NOX4: variants seen among roughly 807,000 people sequenced by gnomAD.
NOX4 encodes NADPH oxidase 4.
Under a neutral mutation model 87.6 loss-of-function variants are expected in NOX4, and 69 were observed. The ratio of observed to expected loss-of-function variants is 0.79; its 90% confidence interval spans 0.65 to 0.96. The LOEUF (loss-of-function observed/expected upper bound fraction) is 0.96, where lower values mean the gene tolerates loss of function less well. NOX4 is among the 40% of genes least tolerant of loss of function. The probability of loss-of-function intolerance (pLI) is 0.00; values close to 1 mark genes in which losing one functional copy is unlikely to be tolerated. For synonymous variants in NOX4, 275 were observed against 238.2 expected, an observed-to-expected ratio of 1.15 and a Z score of -1.42; for missense variants, 680 against 681.5, an observed-to-expected ratio of 1.00 and a Z score of 0.02.
intron 2 of NOX4, among the ~76,000 whole-genome samples, chr11:89,464,893 G>A (rs1446690109): frequency 2.0e-5 from 3 of 152,204 alleles, no homozygotes; most frequent in African/African-American, 7.2e-5. Flanking sequence ...AGTCACCAAT[G>A]TGATGGTATT....
intron 2 of NOX4, among the ~76,000 whole-genome samples, chr11:89,452,512 G>C (rs572943867): frequency 6.6e-6 from 1 of 152,012 alleles, no homozygotes; most frequent in South Asian, 2.1e-4. Flanking sequence ...GTACTTCCCT[G>C]ATTATGTCTC....
chr11:89,511,890 G>C, the NOX4 span, among the ~76,000 whole-genome samples: 1 of 151,926 alleles, frequency 6.6e-6, no homozygotes, highest in Non-Finnish European at 1.5e-5. Context: ...TTTAAGACGA[G>C]GACAATTTAC....
At chr11:89,578,363 T>C in the NOX4 span, among the ~76,000 whole-genome samples, 52 of 152,234 alleles carry the variant, frequency 3.4e-4, no homozygotes, top group African/African-American at 1.2e-3. Context: ...GATTTCACCA[T>C]GTTGGCCAGG....
chr11:89,588,954 T>C, the NOX4 span, among the ~76,000 whole-genome samples: 1 of 152,130 alleles, frequency 6.6e-6, no homozygotes, highest in Non-Finnish European at 1.5e-5. Context: ...CATCTCTCAG[T>C]TATCTTCCCT....
At chr11:89,451,131 T>G (rs979991763) in intron 3 of NOX4, among the ~76,000 whole-genome samples, 10 of 150,522 alleles carry the variant, frequency 6.6e-5, no homozygotes, top group African/African-American at 2.4e-4. Context: ...AGTTAATGGG[T>G]ACAGCACACC....
At chr11:89,518,165 T>C in the NOX4 span, among the ~76,000 whole-genome samples, 3 of 152,182 alleles carry the variant, frequency 2.0e-5, no homozygotes, top group African/African-American at 7.2e-5. Flanking sequence ...AATTTGTAGT[T>C]AGTAACAAGT....
intron 6 of NOX4, among the ~76,000 whole-genome samples, chr11:89,437,303 A>G (rs989447443): frequency 8.5e-5 from 13 of 152,148 alleles, no homozygotes; most frequent in African/African-American, 3.1e-4. Flanking sequence ...GCCTGAGAAC[A>G]TTCAGAGATG....
At chr11:89,394,700 T>C (rs1413984527) in intron 11 of NOX4, among the ~76,000 whole-genome samples, 2 of 151,612 alleles carry the variant, frequency 1.3e-5, no homozygotes, top group African/African-American at 4.8e-5. Flanking sequence ...CCCCGCCCTG[T>C]GTACAAGTGT....
At chr11:89,354,473 CCT>C (rs1937840352) in intron 13 of NOX4, among the ~76,000 whole-genome samples, 3 of 152,028 alleles carry the variant, frequency 2.0e-5, no homozygotes, top group Admixed American at 2.0e-4. Context: ...TTTCATTTCC[CCT>C]GTTTTCAATA....
At chr11:89,452,728 T>A (rs2135391748) in intron 2 of NOX4, among the ~76,000 whole-genome samples, 1 of 152,174 alleles carries the variant, frequency 6.6e-6, no homozygotes, top group East Asian at 1.9e-4. Context: ...ATTTTTTAAT[T>A]TTTTTGAGGC....
At chr11:89,564,095 A>T in the NOX4 span, among the ~76,000 whole-genome samples, 2 of 152,216 alleles carry the variant, frequency 1.3e-5, no homozygotes, top group Non-Finnish European at 2.9e-5. Flanking sequence ...ACCGTATTAT[A>T]AAAGATCTAC....
At chr11:89,520,561 C>T in the NOX4 span, among the ~76,000 whole-genome samples, 1 of 151,936 alleles carries the variant, frequency 6.6e-6, no homozygotes, top group Admixed American at 6.6e-5. Flanking sequence ...ATAATAAGAG[C>T]CATTTATGAC....
rs141296444 is a variant in NOX4, at chr11:89,451,793, A to T, written c.256T>A (p.Ser86Thr). The change falls in exon 3 of 18, where the codon TCA (serine) becomes ACA (threonine). Residue 86 changes from serine to threonine, a missense_variant. Coordinates refer to ENST00000263317, the MANE Select transcript of NOX4 (RefSeq NM_016931.5). ...CRTLLAYLRG[S>T]QKVPSRRTRR... ...GGACTGTTTTTTCTTACCTTCTGTG[A>T]TCCTCGGAGGTAAGCCAAGAGTGTT... 1 of 1,609,742 alleles carries T rather than the reference A, an allele frequency of 6.2e-7. No individual in the cohort carries two copies.
chr11:89,513,296 G>C, the NOX4 span, among the ~76,000 whole-genome samples: 2 of 151,610 alleles, frequency 1.3e-5, no homozygotes, highest in Admixed American at 6.6e-5. Flanking sequence ...CTCCAGCCTG[G>C]GCAACAAGAA....
rs1309293606 is a variant in NOX4, at chr11:89,451,809, C to T, written c.240G>A (p.Leu80=). Residue 80 remains leucine (L), a synonymous_variant, in exon 3 of 18, where the codon TTG becomes TTA. Coordinates refer to ENST00000263317, the MANE Select transcript of NOX4 (RefSeq NM_016931.5). ...CCTTCTGTGATCCTCGGAGGTAAGC[C>T]AAGAGTGTTCGGCACATGGGTAAAA... ...LILLPMCRTL[L]AYLRGSQKVP... is the part of the protein sequence containing the mutation. 6.2e-7 allele frequency: 1 copy of T among 1,612,806 alleles called. No individual in the cohort carries two copies. Among genetic ancestry groups the T allele is most frequent in the Admixed American group, 1.7e-5 (1 of 59,932 alleles).
upstream of NOX4, among the ~76,000 whole-genome samples, chr11:89,502,592 T>A (rs1374802417): frequency 6.6e-6 from 1 of 151,998 alleles, no homozygotes; most frequent in African/African-American, 2.4e-5. Context: ...AGAATAAAAC[T>A]ATCATTTTGA....
chr11:89,495,831 A>C (rs1946942018), upstream of NOX4, among the ~76,000 whole-genome samples: 1 of 152,202 alleles, frequency 6.6e-6, no homozygotes, highest in African/African-American at 2.4e-5. Flanking sequence ...AATTTGATAT[A>C]GTTTACCATT....
At chr11:89,429,017 A>G (rs931592811) in intron 7 of NOX4, among the ~76,000 whole-genome samples, 12 of 152,152 alleles carry the variant, frequency 7.9e-5, no homozygotes, top group African/African-American at 4.8e-5. Context: ...TATCTCTCAC[A>G]CTACAGTGCA....
At chr11:89,585,154 A>G in the NOX4 span, among the ~76,000 whole-genome samples, 2 of 152,132 alleles carry the variant, frequency 1.3e-5, no homozygotes, top group Non-Finnish European at 2.9e-5. Context: ...AGGTGTCATT[A>G]GGCCTCTTTA....
Sources: allele counts gnomAD v4.1 joint callset (sites outside exome capture counted in the v4.1 genomes callset), GRCh38; gene constraint gnomAD v4.1.1; transcripts MANE v1.5; gene names NCBI Gene and HGNC (gene_info 2026-07-23, HGNC 2026-07-21).